The following XKR4 variants were observed in gnomAD, a reference collection of about 807,000 sequenced individuals.
XKR4 encodes XK-related protein 4.
XKR4 carries 12 observed loss-of-function variants against 53.9 expected under a neutral mutation model. The ratio of observed to expected loss-of-function variants is 0.22; its 90% CI spans 0.14 to 0.36. XKR4 has a LOEUF of 0.36. Ranked by LOEUF, XKR4 falls within the 10% of genes least tolerant of loss-of-function variation. XKR4 has a pLI of 1.00. For missense variants in XKR4, 799 were observed against 859.5 expected (o/e 0.93, Z 0.88); for synonymous variants, 354 against 362.4 (o/e 0.98, Z 0.26).
chr8:55,213,856 CTTT>C (rs11433893), intron 1 of XKR4, among the ~76,000 whole-genome samples: 183 of 82,324 alleles, frequency 2.2e-3, no homozygotes, highest in South Asian at 0.014. Flanking sequence ...TTCTTTCTTT[CTTT>C]TTTTTTTTTT....
At chr8:55,185,312 A>G (rs1817361678) in intron 1 of XKR4, among the ~76,000 whole-genome samples, 1 of 152,244 alleles carries the variant, frequency 6.6e-6, no homozygotes, top group Non-Finnish European at 1.5e-5. Context: ...CACTTCAACC[A>G]CTGGCATTGA....
intron 2 of XKR4, among the ~76,000 whole-genome samples, chr8:55,468,230 C>T (rs190457221): frequency 1.3e-5 from 2 of 152,196 alleles, no homozygotes; most frequent in Admixed American, 6.5e-5. Context: ...ATGTATCATT[C>T]CTCTAAATGA....
Position 55,525,555 on chromosome 8 carries a change from C to A in XKR4, c.*1328C>A, listed in dbSNP as rs1253597533. On this transcript the variant is annotated 3_prime_UTR_variant, in exon 3 of 3. Coordinates refer to ENST00000327381, the MANE Select transcript of XKR4 (RefSeq NM_052898.2). ...AATCATCTGTAAAGTCGCACTCTTA[C>A]AACAAGCTTCTGGGTTTTAAATACC... The A allele has an allele frequency of 6.6e-6, 1 of 152,620 alleles. No individual in the cohort carries two copies. The highest frequency in any genetic ancestry group is 1.5e-5 in the Non-Finnish European group (1 of 68,054). 9.5% of individuals were successfully genotyped at this position (152,620 alleles called of 1,614,324 possible). A position where few individuals can be genotyped will look rare whatever the true frequency, so the allele number is the denominator to read the frequency against.
chr8:55,393,345 A>T (rs1178656232), intron 2 of XKR4, among the ~76,000 whole-genome samples: 10 of 151,982 alleles, frequency 6.6e-5, no homozygotes, highest in Admixed American at 5.3e-4. Flanking sequence ...AATTGGTCTC[A>T]TTTCTCTTCT....
At chr8:55,275,095 C>T (rs1247120766) in intron 1 of XKR4, among the ~76,000 whole-genome samples, 1 of 152,090 alleles carries the variant, frequency 6.6e-6, no homozygotes, top group African/African-American at 2.4e-5. Context: ...AATGAAACAT[C>T]TGTACAAAAT....
At chr8:55,168,808 C>T (rs1415599280) in intron 1 of XKR4, among the ~76,000 whole-genome samples, 2 of 152,090 alleles carry the variant, frequency 1.3e-5, no homozygotes, top group African/African-American at 4.8e-5. Context: ...GGACTGTCTG[C>T]CTTTATGTTA....
In XKR4 at chr8:55,475,290, G is replaced by T. The variant is rs911178053; in HGVS notation, c.1007-47991G>T. The stretch of plus-strand genomic sequence containing the variant: ...TGTGATGGCCCAGGGTTGTGGGCAG[G>T]TGAGCCAAATTACACAACATACAGG... On this transcript the variant is annotated intron_variant, in intron 2 of 2. Transcript: ENST00000327381. 2.6e-5 allele frequency among the ~76,000 whole-genome samples: 4 copies of T among 152,128 alleles called. 1 individual carries two copies. Among genetic ancestry groups the T allele is most frequent in the Admixed American group, 6.5e-5 (1 of 15,276 alleles).
At chr8:55,479,188 T>A (rs964122583) in intron 2 of XKR4, among the ~76,000 whole-genome samples, 1 of 152,026 alleles carries the variant, frequency 6.6e-6, no homozygotes, top group Non-Finnish European at 1.5e-5. Context: ...ACAGAAATTA[T>A]AACAAACTGT....
At chr8:55,291,681 C>T (rs2129375546) in intron 1 of XKR4, among the ~76,000 whole-genome samples, 1 of 152,204 alleles carries the variant, frequency 6.6e-6, no homozygotes, top group East Asian at 1.9e-4. Flanking sequence ...AGAAATACAA[C>T]TGAGTTTTTT....
chr8:55,239,221 A>C (rs1340495267), intron 1 of XKR4, among the ~76,000 whole-genome samples: 2 of 152,198 alleles, frequency 1.3e-5, no homozygotes, highest in African/African-American at 4.8e-5. Flanking sequence ...TAGCTTCACC[A>C]TTCTGTGTTA....
intron 2 of XKR4, among the ~76,000 whole-genome samples, chr8:55,395,558 T>C (rs1804504953): frequency 6.6e-6 from 1 of 152,042 alleles, no homozygotes; most frequent in South Asian, 2.1e-4. Flanking sequence ...CTGGAATTCA[T>C]AGATAGGTGA....
chr8:55,508,250 G>T (rs1806575383), intron 2 of XKR4, among the ~76,000 whole-genome samples: 1 of 152,062 alleles, frequency 6.6e-6, no homozygotes, highest in Admixed American at 6.6e-5. Context: ...GTCCTCAAGG[G>T]CTATTTCAGT....
At chr8:55,291,437 G>A (rs1157524220) in intron 1 of XKR4, among the ~76,000 whole-genome samples, 1 of 152,132 alleles carries the variant, frequency 6.6e-6, no homozygotes, top group African/African-American at 2.4e-5. Context: ...TGTTAAAACT[G>A]TATGTCAATC....
At chr8:55,416,660 C>A (rs1024289062) in intron 2 of XKR4, among the ~76,000 whole-genome samples, 2 of 152,168 alleles carry the variant, frequency 1.3e-5, no homozygotes, top group East Asian at 1.9e-4. Flanking sequence ...AAGAAGAGGA[C>A]GATGGCAGGG....
At chr8:55,106,063 G>A (rs1290254733) in intron 1 of XKR4, among the ~76,000 whole-genome samples, 1 of 152,128 alleles carries the variant, frequency 6.6e-6, no homozygotes, top group Non-Finnish European at 1.5e-5. Context: ...GTACTGAGTG[G>A]TTCAAAGCAC....
rs1004196847 is a variant in XKR4 at position 55,541,098 on chromosome 8, T to G, written c.*16871T>G. The stretch of plus-strand genomic sequence containing the variant: ...TCTCCAGTTATTTTAAGTAAATAAG[T>G]TTCACATCTAACTACCTCAGCTACT... On this transcript the variant is annotated 3_prime_UTR_variant, in exon 3 of 3. Coordinates refer to ENST00000327381, the MANE Select transcript of XKR4 (RefSeq NM_052898.2). The G allele has an allele frequency of 6.5e-4, 99 of 152,348 alleles. No individual in the cohort carries two copies. Among genetic ancestry groups the G allele is most frequent in the African/African-American group, 2.4e-3 (99 of 41,578 alleles). 9.4% of individuals were successfully genotyped at this position (152,348 alleles called of 1,614,324 possible). A position where few individuals can be genotyped will look rare whatever the true frequency, so the allele number is the denominator to read the frequency against.
At chr8:55,369,605 GC>G (rs1434031920) in intron 2 of XKR4, among the ~76,000 whole-genome samples, 1 of 151,780 alleles carries the variant, frequency 6.6e-6, no homozygotes, top group African/African-American at 2.4e-5. Context: ...TAAAAATCTT[GC>G]CCCTAAGAAA....
intron 2 of XKR4, among the ~76,000 whole-genome samples, chr8:55,407,629 C>T (rs575433155): frequency 1.3e-5 from 2 of 152,316 alleles, no homozygotes; most frequent in Non-Finnish European, 2.9e-5. Flanking sequence ...CCCTGACACC[C>T]GGGGAAGTCT....
intron 1 of XKR4, among the ~76,000 whole-genome samples, chr8:55,305,881 G>T (rs970730274): frequency 2.6e-5 from 4 of 152,056 alleles, no homozygotes; most frequent in African/African-American, 9.7e-5. Flanking sequence ...CCCCCAATTA[G>T]ATATCAAAAG....
Sources: gnomAD v4.1 joint callset for allele counts (sites outside exome capture counted in the v4.1 genomes callset) on GRCh38, gnomAD v4.1.1 for gene constraint, MANE v1.5 for transcripts, NCBI Gene and HGNC (gene_info 2026-07-23, HGNC 2026-07-21) for gene names.